Variants in GLUL observed in about 807,000 individuals in gnomAD.
The protein encoded by GLUL is glutamate-ammonia ligase.
In GLUL, 8 loss-of-function variants were observed where a neutral mutation model predicts 36.9. That is an observed-to-expected ratio of 0.22 (90% CI 0.13 to 0.39). The LOEUF (loss-of-function observed/expected upper bound fraction) is 0.39, where lower values mean the gene tolerates loss of function less well. GLUL is among the 10% of genes least tolerant of loss of function. The probability of loss-of-function intolerance (pLI) is 1.00; values close to 1 mark genes in which losing one functional copy is unlikely to be tolerated. For missense variants in GLUL, 315 were observed against 501.8 expected (o/e 0.63, Z 3.56); for synonymous variants, 182 against 172.8 (o/e 1.05, Z -0.42).
chr1:182,384,163 C>A lies in GLUL; in HGVS notation c.*242G>T, dbSNP rs1347705305. 2 of 502,318 alleles carry A rather than the reference C, an allele frequency of 4.0e-6. No individual in the cohort carries two copies. The highest frequency in any genetic ancestry group is 3.2e-5 in the Admixed American group (1 of 31,012). 31.1% of individuals were successfully genotyped at this position (502,318 alleles called of 1,614,324 possible). A position where few individuals can be genotyped will look rare whatever the true frequency, so the allele number is the denominator to read the frequency against. ...GGTTATGTCTCCCCACCCTCCTCCC[C>A]ACTAATGCACTAAAAAGCTTCAGTG... On this transcript the variant is annotated 3_prime_UTR_variant, in exon 7 of 7. Coordinates refer to ENST00000331872, the MANE Select transcript of GLUL (RefSeq NM_001033044.4).
In GLUL at chr1:182,384,352, T is replaced by TTG. The variant is rs1175755798; in HGVS notation, c.*51_*52dup. 8.3e-7 allele frequency: 1 copy of TTG among 1,209,476 alleles called. No individual in the cohort carries two copies. 74.9% of individuals were successfully genotyped at this position (1,209,476 alleles called of 1,614,324 possible). A position where few individuals can be genotyped will look rare whatever the true frequency, so the allele number is the denominator to read the frequency against. On this transcript the variant is annotated 3_prime_UTR_variant, in exon 7 of 7. Coordinates refer to ENST00000331872, the MANE Select transcript of GLUL (RefSeq NM_001033044.4). ...GGGACAACTGGGAGAGGGGGAAGAG[T>TTG]TGGAGTGGGATGAAGAACTAGGAGG...
In GLUL at chr1:182,383,886, ACAAG is replaced by A. The variant is rs759470986; in HGVS notation, c.*515_*518del. The A allele has an allele frequency of 5.6e-6, 1 of 178,192 alleles. No homozygotes were observed. Among genetic ancestry groups the A allele is most frequent in the Non-Finnish European group, 1.2e-5 (1 of 82,080 alleles). 11.0% of individuals were successfully genotyped at this position (178,192 alleles called of 1,614,324 possible). On this transcript the variant is annotated 3_prime_UTR_variant, in exon 7 of 7. Coordinates refer to ENST00000331872, the MANE Select transcript of GLUL (RefSeq NM_001033044.4). Reference sequence around the variant, plus strand: ...TTTAGTCCCAAGCCAGGCTAGTCCCACAAGCAAGAGACCAAAGCCATTCTCTCTG... The same window carrying A: ...TTTAGTCCCAAGCCAGGCTAGTCCCACAAGAGACCAAAGCCATTCTCTCTG...
rs866408122 is a variant in GLUL at position 182,380,715 on chromosome 1, A to G, written c.*3690T>C. On this transcript the variant is annotated 3_prime_UTR_variant, in exon 7 of 7. Transcript: ENST00000331872. ...AAGCTCACAAAACTGATACTTAAAA[A>G]TAACTTATTAAATAAGTATTGCAGG... Among the ~76,000 whole-genome samples, 6 of 152,382 alleles carry G rather than the reference A, an allele frequency of 3.9e-5. 1 individual carries two copies. Among genetic ancestry groups the G allele is most frequent in the South Asian group, 4.1e-4 (2 of 4,826 alleles).
At chr1:182,391,141 C>T (rs1650400774) in intron 1 of GLUL, 1 of 398,544 alleles carries the variant, frequency 2.5e-6, no homozygotes, top group East Asian at 3.6e-5. Context: ...CCCGGGACCC[C>T]GAGGCGGGAG....
At position 182,381,945 on chromosome 1, in the gene GLUL, A is replaced by G. The variant is rs1649944783; in HGVS notation, c.*2460T>C. 6.6e-6 allele frequency: 1 copy of G among 152,252 alleles called. No individual in the cohort carries two copies. The highest frequency in any genetic ancestry group is 2.4e-5 in the African/African-American group (1 of 41,470). The allele number at this position is 152,252 out of a possible 1,614,324, so 9.4% of individuals were successfully genotyped here. A position where few individuals can be genotyped will look rare whatever the true frequency, so the allele number is the denominator to read the frequency against. ...GGACCACGCCAGCAAGCTAATAGGT[A>G]GATGACTCTACTTTGAATATTAAAT... On this transcript the variant is annotated 3_prime_UTR_variant, in exon 7 of 7. Transcript: ENST00000331872.
At chr1:182,390,346 A>C (rs372334224) in intron 1 of GLUL, 52 of 397,506 alleles carry the variant, frequency 1.3e-4, no homozygotes, top group African/African-American at 1.0e-3. Context: ...CTTTTCCGTG[A>C]GCCGAGTTGC....
intron 6 of GLUL, chr1:182,385,025 C>T: frequency 2.7e-6 from 1 of 368,402 alleles, no homozygotes. Flanking sequence ...GTCAACTTTT[C>T]CCTGTCACCA....
chr1:182,385,407 G>T lies in GLUL; in HGVS notation c.753C>A (p.Gly251=), dbSNP rs758943303. The change falls in exon 6 of 7, where the codon GGC becomes GGA. Residue 251 remains glycine (G), a synonymous_variant. Coordinates refer to ENST00000331872, the MANE Select transcript of GLUL (RefSeq NM_001033044.4). ...CCTTGGTGCTGAAGTTGGTATGGCA[G>T]CCTGCACCATTCCAGTTCCCAGGAA... ...KPIPGNWNGA[G]CHTNFSTKAM... The T allele has an allele frequency of 6.2e-6, 10 of 1,613,778 alleles. No homozygotes were observed. The highest frequency in any genetic ancestry group is 8.5e-6 in the Non-Finnish European group (10 of 1,179,706).
rs781391544 is a variant in GLUL, at chr1:182,384,535, T to C, written c.992A>G (p.Gln331Arg). 6.8e-6 allele frequency: 11 copies of C among 1,614,086 alleles called. No homozygotes were observed. The South Asian group carries it at 8.8e-5, about 13-fold the overall frequency. ...ATCTTCAAAGTAACCCTTCTTCTCC[T>C]GGCCAACAGTCCGGGGAATGCGTAT... ...ASIRIPRTVGQEKKGYFEDRR... is the reference protein window; with the variant it reads ...ASIRIPRTVGREKKGYFEDRR... The change falls in exon 7 of 7, where the codon CAG becomes CGG. Residue 331 changes from glutamine (Q) to arginine (R), a missense_variant. By Grantham distance (43) the Gln-to-Arg change is conservative. Coordinates refer to ENST00000331872, the MANE Select transcript of GLUL (RefSeq NM_001033044.4).
intron 4 of GLUL, 59 bp downstream of exon 4, chr1:182,386,197 G>A: frequency 6.7e-7 from 1 of 1,484,908 alleles, no homozygotes; most frequent in East Asian, 2.3e-5. Context: ...CCTGGGAAGG[G>A]GCATTCCTGC....
intron 6 of GLUL, 115 bp downstream of exon 6, chr1:182,385,242 T>G: frequency 1.2e-6 from 1 of 811,896 alleles, no homozygotes; most frequent in South Asian, 1.4e-5. Flanking sequence ...TTACTCATCT[T>G]TGGCAAATAT....
In GLUL at chr1:182,388,732, G is replaced by T. The variant is rs1571410114; in HGVS notation, c.6C>A (p.Thr2=). 1 of 1,613,552 alleles carries T rather than the reference G, an allele frequency of 6.2e-7. No individual in the cohort carries two copies. The change falls in exon 2 of 7, where the codon ACC becomes ACA. Residue 2 remains threonine (T), a synonymous_variant. Transcript: ENST00000331872. The stretch of plus-strand genomic sequence containing the variant: ...TATTTAAGTGGGAACTTGCTGAGGT[G>T]GTCATGGTGGAAGGTGTTCTGGAGA... M[T]TSASSHLNKG...
At chr1:182,387,900 T>C (rs1650251769) in intron 2 of GLUL, among the ~76,000 whole-genome samples, 1 of 152,202 alleles carries the variant, frequency 6.6e-6, no homozygotes, top group Non-Finnish European at 1.5e-5. Flanking sequence ...GTACACAATA[T>C]AGGCTTTGTA....
intron 1 of GLUL, chr1:182,391,144 G>A (rs1456102821): frequency 2.5e-6 from 1 of 398,448 alleles, no homozygotes; most frequent in Non-Finnish European, 4.4e-6. Flanking sequence ...GGGACCCCGA[G>A]GCGGGAGCCG....
At chr1:182,387,093 GAT>G in intron 3 of GLUL, 36 bp downstream of exon 3, 1 of 1,532,728 alleles carries the variant, frequency 6.5e-7, no homozygotes, top group Non-Finnish European at 9.0e-7. Context: ...AGCATTCACA[GAT>G]TGAGGAGGGG....
In GLUL at chr1:182,382,358, CAG is replaced by C. The variant is rs1037224168; in HGVS notation, c.*2045_*2046del. The C allele has an allele frequency of 1.3e-5, 2 of 152,344 alleles. No homozygotes were observed. Among genetic ancestry groups the C allele is most frequent in the African/African-American group, 4.8e-5 (2 of 41,538 alleles). The allele number at this position is 152,344 out of a possible 1,614,324, so 9.4% of individuals were successfully genotyped here. A position where few individuals can be genotyped will look rare whatever the true frequency, so the allele number is the denominator to read the frequency against. ...AGGGGCAAGGGCACAGGTGACAACA[CAG>C]AGCTTTTGAGAATCACAATCGGTCC... On this transcript the variant is annotated 3_prime_UTR_variant, in exon 7 of 7. Coordinates refer to ENST00000331872, the MANE Select transcript of GLUL (RefSeq NM_001033044.4).
intron 2 of GLUL, 118 bp downstream of exon 2, chr1:182,388,454 T>A: frequency 1.1e-6 from 1 of 902,058 alleles, no homozygotes; most frequent in Non-Finnish European, 1.8e-6. Context: ...AAGCCCTGCC[T>A]TAGAAAACCT....
rs1156361530 is a variant in GLUL, at chr1:182,385,743, A to ATTGGAGCTATACTTACCTGGG, written c.599_603+16dup. Reference sequence around the variant, plus strand: ...CCTACCTACCCTTCTTCATTGATGGATTGGAGCTATACTTACCTGGGCAGG... The same window carrying ATTGGAGCTATACTTACCTGGG: ...CCTACCTACCCTTCTTCATTGATGGATTGGAGCTATACTTACCTGGGTTGGAGCTATACTTACCTGGGCAGG... On this transcript the variant is annotated intron_variant, in intron 5 of 6. Coordinates refer to ENST00000331872, the MANE Select transcript of GLUL (RefSeq NM_001033044.4). The ATTGGAGCTATACTTACCTGGG allele has an allele frequency of 2.5e-6, 4 of 1,613,938 alleles. No homozygotes were observed. Among genetic ancestry groups the ATTGGAGCTATACTTACCTGGG allele is most frequent in the Middle Eastern group, 1.7e-4 (1 of 6,016 alleles).
Position 182,387,148 on chromosome 1 carries a change from T to C in GLUL, c.311A>G (p.Tyr104Cys). 1.2e-6 allele frequency: 2 copies of C among 1,613,838 alleles called. No individual in the cohort carries two copies. Among genetic ancestry groups the C allele is most frequent in the Non-Finnish European group, 1.7e-6 (2 of 1,179,768 alleles). ...TAACACACCTGCAGGCCTTCGATTG[T>C]ACTTGAAAACTTCACATAACACCAG... ...NKLVLCEVFKYNRRPAETNLR... is the reference protein window; with the variant it reads ...NKLVLCEVFKCNRRPAETNLR... The change falls in exon 3 of 7, where the codon TAC becomes TGC. Residue 104 changes from tyrosine (Y) to cysteine (C), a missense_variant. Coordinates refer to ENST00000331872, the MANE Select transcript of GLUL (RefSeq NM_001033044.4).
Sources: allele counts gnomAD v4.1 joint callset (sites outside exome capture counted in the v4.1 genomes callset), GRCh38; gene constraint gnomAD v4.1.1; transcripts MANE v1.5; gene names NCBI Gene and HGNC (gene_info 2026-07-23, HGNC 2026-07-21).